The following BCAS1 variants were observed in gnomAD, a reference collection of about 807,000 sequenced individuals.
BCAS1 encodes brain enriched myelin associated protein 1.
Under a neutral mutation model 65.4 loss-of-function variants are expected in BCAS1, and 46 were observed. The observed-to-expected ratio is 0.70, with a 90% CI of 0.55 to 0.90. The LOEUF (loss-of-function observed/expected upper bound fraction) is 0.90. Among genes scored for constraint, BCAS1 ranks in the 40% least tolerant of loss-of-function variants. The probability of loss-of-function intolerance (pLI) is 0.00; values close to 1 mark genes in which losing one functional copy is unlikely to be tolerated. For missense variants in BCAS1, 793 were observed against 771.2 expected, an observed-to-expected ratio of 1.03 and a Z score of -0.33; for synonymous variants, 298 against 293.5, an observed-to-expected ratio of 1.02 and a Z score of -0.16.
At chr20:54,010,272 A>T (rs905655218) in intron 4 of BCAS1, among the ~76,000 whole-genome samples, 2 of 152,174 alleles carry the variant, frequency 1.3e-5, no homozygotes, top group Non-Finnish European at 2.9e-5. Context: ...TACACATTGA[A>T]AAGGAAGAAA....
At chr20:53,968,300 A>C (rs1445002188) in intron 9 of BCAS1, among the ~76,000 whole-genome samples, 2 of 152,184 alleles carry the variant, frequency 1.3e-5, no homozygotes, top group Non-Finnish European at 2.9e-5. Flanking sequence ...GCCTCCCTGG[A>C]AAGTACCATA....
intron 3 of BCAS1, 56 bp downstream of exon 3, chr20:54,058,029 C>A: frequency 3.2e-6 from 4 of 1,256,104 alleles, no homozygotes; most frequent in Non-Finnish European, 3.5e-6. Context: ...TAAACAGCAT[C>A]TGCAGACCCC....
chr20:54,030,479 G>T (rs905183141), intron 3 of BCAS1, among the ~76,000 whole-genome samples: 1 of 152,140 alleles, frequency 6.6e-6, no homozygotes, highest in East Asian at 1.9e-4. Context: ...CATTTTGCTT[G>T]CTCTATCTGT....
At chr20:54,013,877 G>A (rs950230278) in intron 4 of BCAS1, among the ~76,000 whole-genome samples, 1 of 152,158 alleles carries the variant, frequency 6.6e-6, no homozygotes, top group East Asian at 1.9e-4. Context: ...AAGAATTTAT[G>A]TTTTATTTCT....
chr20:54,035,979 C>A (rs142132173), intron 3 of BCAS1, among the ~76,000 whole-genome samples: 1 of 151,204 alleles, frequency 6.6e-6, no homozygotes, highest in Non-Finnish European at 1.5e-5. Context: ...TACATGTTCT[C>A]ACTTATAAAT....
intron 3 of BCAS1, among the ~76,000 whole-genome samples, chr20:54,049,788 C>G (rs1156432799): frequency 1.3e-5 from 2 of 152,064 alleles, no homozygotes; most frequent in Non-Finnish European, 2.9e-5. Context: ...TTAGAGCTCC[C>G]CTACAAAGTT....
rs1337658335 is a variant in BCAS1, at chr20:53,985,510, A to T, written c.1063-11T>A. 6.3e-7 allele frequency: 1 copy of T among 1,596,710 alleles called. No homozygotes were observed. Among genetic ancestry groups the T allele is most frequent in the East Asian group, 2.2e-5 (1 of 44,586 alleles). ...TGACTTTTCAGCACCCTAAAGAGTTAAAAAAAATGGAGGGAAAACATTCAA... is the reference window on the plus strand; with the variant it reads ...TGACTTTTCAGCACCCTAAAGAGTTTAAAAAAATGGAGGGAAAACATTCAA... On this transcript the variant is annotated splice_polypyrimidine_tract_variant and intron_variant, in intron 7 of 12. Transcript: ENST00000688948.
At chr20:54,043,639 G>A (rs1362158629) in intron 3 of BCAS1, among the ~76,000 whole-genome samples, 3 of 152,116 alleles carry the variant, frequency 2.0e-5, no homozygotes, top group Admixed American at 6.5e-5. Flanking sequence ...GTTCTTACAT[G>A]GTCCTCAGAC....
chr20:54,000,213 T>C (rs2091023274), intron 4 of BCAS1, among the ~76,000 whole-genome samples: 2 of 152,310 alleles, frequency 1.3e-5, no homozygotes, highest in South Asian at 4.1e-4. Context: ...TTTTTTTGAT[T>C]GTCACGAGTA....
intron 1 of BCAS1, among the ~76,000 whole-genome samples, chr20:54,065,670 T>C (rs542653678): frequency 6.6e-6 from 1 of 152,350 alleles, no homozygotes; most frequent in South Asian, 2.1e-4. Context: ...CCTAGGGATC[T>C]GCATTTCTGA....
At chr20:53,971,647 G>A (rs1377200871) in intron 9 of BCAS1, among the ~76,000 whole-genome samples, 5 of 152,182 alleles carry the variant, frequency 3.3e-5, no homozygotes, top group African/African-American at 1.2e-4. Context: ...CTGAACCCAA[G>A]GAGAGCCCTG....
At chr20:54,062,537 CAGT>C (rs1396134983) in intron 1 of BCAS1, among the ~76,000 whole-genome samples, 1 of 152,192 alleles carries the variant, frequency 6.6e-6, no homozygotes, top group African/African-American at 2.4e-5. Flanking sequence ...ATTATTTTAA[CAGT>C]AGGATTACAA....
intron 4 of BCAS1, among the ~76,000 whole-genome samples, chr20:54,015,982 G>A (rs1167884917): frequency 6.6e-6 from 1 of 152,218 alleles, no homozygotes; most frequent in Admixed American, 6.5e-5. Context: ...AAAGTCAACT[G>A]CTGTCAACAA....
intron 3 of BCAS1, among the ~76,000 whole-genome samples, chr20:54,054,455 G>GC (rs1374776683): frequency 1.3e-5 from 2 of 152,054 alleles, no homozygotes; most frequent in Non-Finnish European, 1.5e-5. Flanking sequence ...CTCTCTGAAG[G>GC]ACAAGAAAGG....
At chr20:53,998,464 T>C (rs1452302217) in intron 4 of BCAS1, among the ~76,000 whole-genome samples, 1 of 152,094 alleles carries the variant, frequency 6.6e-6, no homozygotes, top group Non-Finnish European at 1.5e-5. Flanking sequence ...GCACAGCACA[T>C]GGTCAGAGCA....
At chr20:54,060,552 C>A (rs1010398012) in intron 1 of BCAS1, among the ~76,000 whole-genome samples, 2 of 148,946 alleles carry the variant, frequency 1.3e-5, no homozygotes, top group South Asian at 2.2e-4. Flanking sequence ...GAGTGCCTGG[C>A]CTCATGTGAT....
chr20:53,953,492 G>A lies in BCAS1; in HGVS notation c.1755C>T (p.Asp585=), dbSNP rs770555156. Residue 585 remains aspartate (D), a synonymous_variant, in exon 12 of 13, where the codon GAC becomes GAT. Transcript: ENST00000688948. ...TVDTNSLQNG[D]KLQKRPEKRQ... Reference sequence around the variant, plus strand: ...GCTTCTCAGGTCTCTTTTGGAGCTTGTCCCCATTCTGCAGTGAGTTCGTGT... The same window carrying A: ...GCTTCTCAGGTCTCTTTTGGAGCTTATCCCCATTCTGCAGTGAGTTCGTGT... The A allele has an allele frequency of 1.2e-6, 2 of 1,614,050 alleles. No homozygotes were observed. The highest frequency in any genetic ancestry group is 1.3e-5 in the African/African-American group (1 of 75,010).
chr20:53,963,604 C>G (rs6091795), intron 10 of BCAS1, among the ~76,000 whole-genome samples: 1 of 152,118 alleles, frequency 6.6e-6, no homozygotes, highest in East Asian at 1.9e-4. Flanking sequence ...ATTATTTAAA[C>G]AAATCGATAT....
intron 2 of BCAS1, 143 bp downstream of exon 2, chr20:54,058,504 G>A (rs2092331253): frequency 2.1e-6 from 3 of 1,414,728 alleles, no homozygotes; most frequent in South Asian, 2.9e-5. Flanking sequence ...CACCTTTTAG[G>A]TTATCCTCGC....
Sources: gnomAD v4.1 joint callset for allele counts (sites outside exome capture counted in the v4.1 genomes callset) on GRCh38, gnomAD v4.1.1 for gene constraint, MANE v1.5 for transcripts, NCBI Gene and HGNC (gene_info 2026-07-23, HGNC 2026-07-21) for gene names.